LTBP1: variants seen among roughly 807,000 people sequenced by gnomAD.
LTBP1 encodes the protein latent transforming growth factor beta binding protein 1.
Under a neutral mutation model 207.6 loss-of-function variants are expected in LTBP1, and 129 were observed. The observed-to-expected ratio is 0.62, with a 90% CI of 0.54 to 0.72. The LOEUF (loss-of-function observed/expected upper bound fraction) is 0.72, where lower values mean the gene tolerates loss of function less well. LTBP1 is among the 30% of genes least tolerant of loss of function. The pLI, the probability that LTBP1 is intolerant of heterozygous loss-of-function variation, is 0.00. For missense variants in LTBP1, 2,281 were observed against 2,217.2 expected, an observed-to-expected ratio of 1.03 and a Z score of -0.58; for synonymous variants, 963 against 833.7, an observed-to-expected ratio of 1.16 and a Z score of -2.67.
At chr2:32,989,949 CT>C (rs1284510599) in intron 2 of LTBP1, among the ~76,000 whole-genome samples, 1 of 152,146 alleles carries the variant, frequency 6.6e-6, no homozygotes, top group Admixed American at 6.5e-5. Context: ...TAGTTGTTAG[CT>C]ATTATTAATT....
intron 2 of LTBP1, among the ~76,000 whole-genome samples, chr2:32,987,943 G>A (rs1164722262): frequency 6.6e-6 from 1 of 152,206 alleles, no homozygotes; most frequent in Non-Finnish European, 1.5e-5. Flanking sequence ...GGATTATCCA[G>A]GTAGTTTTAT....
chr2:33,383,591 C>G (rs1251640872), intron 31 of LTBP1, among the ~76,000 whole-genome samples: 1 of 152,028 alleles, frequency 6.6e-6, no homozygotes, highest in East Asian at 1.9e-4. Context: ...TAGATAGGGT[C>G]TCACTCTGCT....
intron 7 of LTBP1, among the ~76,000 whole-genome samples, chr2:33,213,295 G>A (rs749089113): frequency 1.6e-4 from 24 of 152,132 alleles, no homozygotes; most frequent in African/African-American, 3.6e-4. Context: ...TTACTTATTC[G>A]TAAGACACAT....
At chr2:32,986,244 G>A (rs1408130548) in intron 2 of LTBP1, among the ~76,000 whole-genome samples, 1 of 152,126 alleles carries the variant, frequency 6.6e-6, no homozygotes, top group African/African-American at 2.4e-5. Flanking sequence ...CTCCTAGGAT[G>A]ATGTTGGTGA....
In LTBP1 at chr2:33,228,085, A is replaced by G. The variant is rs769345864; in HGVS notation, c.1876+5934A>G. 8.5e-4 allele frequency among the ~76,000 whole-genome samples: 129 copies of G among 152,192 alleles called. 1 individual carries two copies. Among genetic ancestry groups the G allele is most frequent in the Non-Finnish European group, 1.3e-3 (88 of 67,996 alleles). ...CTCCCAAAGTGCTGGGATTACAGGCATGAGCCACCACGCCCGGCCAAGAAG... is the reference window on the plus strand; with the variant it reads ...CTCCCAAAGTGCTGGGATTACAGGCGTGAGCCACCACGCCCGGCCAAGAAG... On this transcript the variant is annotated intron_variant, in intron 9 of 33. Transcript: ENST00000404816.
chr2:32,973,080 T>C (rs1681153372), intron 2 of LTBP1, among the ~76,000 whole-genome samples: 1 of 151,920 alleles, frequency 6.6e-6, no homozygotes, highest in African/African-American at 2.4e-5. Context: ...TTTTAGAGTA[T>C]GTGCCATGTG....
intron 7 of LTBP1, among the ~76,000 whole-genome samples, chr2:33,190,240 C>T (rs923378297): frequency 4.6e-5 from 7 of 152,150 alleles, no homozygotes; most frequent in East Asian, 1.9e-4. Flanking sequence ...TGTGGTTTCC[C>T]TCCTGTCTTT....
At chr2:33,126,510 T>C (rs1229503487) in intron 4 of LTBP1, among the ~76,000 whole-genome samples, 4 of 152,238 alleles carry the variant, frequency 2.6e-5, no homozygotes, top group African/African-American at 9.6e-5. Flanking sequence ...AGGGGCACTC[T>C]TTTGATGAGA....
chr2:33,079,278 G>A (rs13008714), intron 3 of LTBP1, among the ~76,000 whole-genome samples: 9,905 of 152,198 alleles, frequency 0.065, 416 homozygotes, highest in South Asian at 0.18. Context: ...AGGCAGAATC[G>A]CAGGACAGGA....
At chr2:33,049,830 CT>C (rs960140723) in intron 3 of LTBP1, among the ~76,000 whole-genome samples, 19 of 147,828 alleles carry the variant, frequency 1.3e-4, no homozygotes, top group African/African-American at 2.7e-4. Context: ...GGAGGTTAGG[CT>C]TTTTTTTTTC....
intron 3 of LTBP1, among the ~76,000 whole-genome samples, chr2:33,107,835 T>C (rs766611732): frequency 1.3e-5 from 2 of 150,464 alleles, no homozygotes; most frequent in Non-Finnish European, 2.9e-5. Flanking sequence ...TTCAAAAGTT[T>C]AGTCCCCCAC....
At chr2:33,093,855 C>T (rs1303933438) in intron 3 of LTBP1, among the ~76,000 whole-genome samples, 4 of 151,962 alleles carry the variant, frequency 2.6e-5, no homozygotes, top group Admixed American at 6.6e-5. Context: ...CCTTGGCATT[C>T]ATAAGAAATC....
intron 30 of LTBP1, among the ~76,000 whole-genome samples, chr2:33,365,006 A>T (rs1420171555): frequency 6.6e-6 from 1 of 152,220 alleles, no homozygotes; most frequent in Non-Finnish European, 1.5e-5. Flanking sequence ...ACAGGAGTAA[A>T]TGAAAAAGTG....
intron 9 of LTBP1, among the ~76,000 whole-genome samples, chr2:33,241,934 AATGAGATGGTCAGGTG>A: frequency 6.6e-6 from 1 of 152,308 alleles, no homozygotes; most frequent in South Asian, 2.1e-4. Flanking sequence ...TTCAATAAAT[AATGAGATGGTCAGGTG>A]CTGTACTGTG....
rs79158800 is a variant in LTBP1, at chr2:32,952,555, G to T, written c.565+3610G>T. Among the ~76,000 whole-genome samples the T allele has an allele frequency of 9.4e-3, 1,432 of 152,332 alleles. 20 individuals carry two copies. Among genetic ancestry groups the T allele is most frequent in the African/African-American group, 0.033 (1,352 of 41,576 alleles). ...TCTTTCCAAGGAATTAACACTTAAA[G>T]GAATGTTTTGTGGGTTAGGGACTTT... On this transcript the variant is annotated intron_variant, in intron 2 of 33. Transcript: ENST00000404816.
At chr2:32,998,049 A>C (rs1184612120) in intron 2 of LTBP1, among the ~76,000 whole-genome samples, 1 of 152,156 alleles carries the variant, frequency 6.6e-6, no homozygotes, top group Non-Finnish European at 1.5e-5. Context: ...GCAGGATATA[A>C]ATTCTAGATT....
At chr2:33,314,015 C>A (rs1298609462) in intron 23 of LTBP1, among the ~76,000 whole-genome samples, 3 of 152,202 alleles carry the variant, frequency 2.0e-5, no homozygotes, top group African/African-American at 7.2e-5. Context: ...TTATAGTAAA[C>A]AGTCCATGTG....
rs151075579 is a variant in LTBP1, at chr2:33,224,525, G to A, written c.1876+2374G>A. ...TTTTATGGTGTTATTTCTTCCTTAC[G>A]TATTTAGCGTAATTCACAGGAGAAG... On this transcript the variant is annotated intron_variant, in intron 9 of 33. Transcript: ENST00000404816. Among the ~76,000 whole-genome samples, 230 of 152,160 alleles carry A rather than the reference G, an allele frequency of 1.5e-3. 1 individual carries two copies. The highest frequency in any genetic ancestry group is 2.2e-3 in the Admixed American group (33 of 15,284).
At chr2:33,054,930 A>G (rs1180343505) in intron 3 of LTBP1, among the ~76,000 whole-genome samples, 2 of 152,124 alleles carry the variant, frequency 1.3e-5, no homozygotes, top group Non-Finnish European at 2.9e-5. Flanking sequence ...GTGGACATGG[A>G]CGAGGGGGCA....
Sources: allele counts gnomAD v4.1 joint callset (sites outside exome capture counted in the v4.1 genomes callset), GRCh38; gene constraint gnomAD v4.1.1; transcripts MANE v1.5; gene names NCBI Gene and HGNC (gene_info 2026-07-23, HGNC 2026-07-21).